The following PRDM16 variants were observed in gnomAD, a reference collection of about 807,000 sequenced individuals.
The protein encoded by PRDM16 is PR/SET domain 16.
PRDM16 carries 23 observed loss-of-function variants against 110.6 expected under a neutral mutation model. The observed-to-expected ratio is 0.21, with a 90% confidence interval of 0.15 to 0.29. The LOEUF (loss-of-function observed/expected upper bound fraction) is 0.29. PRDM16 is among the 10% of genes least tolerant of loss of function. PRDM16 has a pLI of 1.00. For synonymous variants in PRDM16, 799 were observed against 781.8 expected (o/e 1.02, Z -0.37); for missense variants, 1,615 against 1,794.3 (o/e 0.90, Z 1.81).
chr1:3,321,312 TTGTGTGTGGGTCCGTG>T (rs1380151989), intron 3 of PRDM16, among the ~76,000 whole-genome samples: 3 of 151,926 alleles, frequency 2.0e-5, no homozygotes, highest in Non-Finnish European at 4.4e-5. Flanking sequence ...GTGTGTCCAT[TTGTGTGTGGGTCCGTG>T]TGTGTGTGTA....
chr1:3,284,139 C>T (rs1380834077), intron 3 of PRDM16, among the ~76,000 whole-genome samples: 1 of 152,212 alleles, frequency 6.6e-6, no homozygotes, highest in Non-Finnish European at 1.5e-5. Flanking sequence ...GCCCGGGAAG[C>T]TGGGGTGGAG....
At position 3,411,522 on chromosome 1, in the gene PRDM16, G is replaced by A. The variant is rs760272889; in HGVS notation, c.1325G>A (p.Arg442Gln). 11 of 1,614,016 alleles carry A rather than the reference G, an allele frequency of 6.8e-6. No homozygotes were observed. Among genetic ancestry groups the A allele is most frequent in the African/African-American group, 4.0e-5 (3 of 74,918 alleles). ...FSTTSSLNKH[R>Q]RFCEGKNHYT... ...ACTACCTCCTCCCTCAACAAGCACC[G>A]GCGCTTCTGCGAGGGCAAGAACCAT... Residue 442 changes from arginine to glutamine, a missense_variant, in exon 9 of 17, where the codon CGG becomes CAG. Arg to Gln is a conservative substitution (Grantham distance 43). Around this residue, in one of 5 missense-constraint regions of PRDM16, gnomAD observed 772 missense variants for 748.3 expected, o/e 1.03. Transcript: ENST00000270722.
At chr1:3,418,601 T>C (rs972429103) in intron 11 of PRDM16, 66 bp from the exon 12 acceptor site, 1 of 1,103,842 alleles carries the variant, frequency 9.1e-7, no homozygotes, top group Non-Finnish European at 1.4e-6. Context: ...TGAAACCATT[T>C]CTGGGAAATG....
At position 3,350,059 on chromosome 1, in the gene PRDM16, C is replaced by T. The variant is rs140208173; in HGVS notation, c.439-35093C>T. 2.0e-5 allele frequency among the ~76,000 whole-genome samples: 3 copies of T among 152,334 alleles called. No homozygotes were observed. Among genetic ancestry groups the T allele is most frequent in the Non-Finnish European group, 4.4e-5 (3 of 68,030 alleles). On this transcript the variant is annotated intron_variant, in intron 3 of 16. Transcript: ENST00000270722. This position sits in a 1 kb window ranked among gnomAD's most constrained non-coding sequence, Gnocchi z 7.1. ...AGGACAGGGCAGAAAAGACCTGGGGCCAGGTGCAGTGGCCCAAAATCCCAG... is the reference window on the plus strand; with the variant it reads ...AGGACAGGGCAGAAAAGACCTGGGGTCAGGTGCAGTGGCCCAAAATCCCAG...
intron 2 of PRDM16, among the ~76,000 whole-genome samples, chr1:3,210,285 C>T (rs1236390494): frequency 1.3e-5 from 2 of 152,132 alleles, no homozygotes; most frequent in African/African-American, 2.4e-5. Flanking sequence ...GAAGGCAGCT[C>T]GAGGCATCAC....
rs1246552654 is a variant in PRDM16, at chr1:3,339,425, G to C, written c.439-45727G>C. Among the ~76,000 whole-genome samples, 1 of 152,124 alleles carries C rather than the reference G, an allele frequency of 6.6e-6. No individual in the cohort carries two copies. The highest frequency in any genetic ancestry group is 1.5e-5 in the Non-Finnish European group (1 of 68,006). Reference sequence around the variant, plus strand: ...TGGGTGGTCAGTAGGACCCTAGAAAGTGCTCAGAGCAGAGCGGAAAGGGCA... The same window carrying C: ...TGGGTGGTCAGTAGGACCCTAGAAACTGCTCAGAGCAGAGCGGAAAGGGCA... On this transcript the variant is annotated intron_variant, in intron 3 of 16. Coordinates refer to ENST00000270722, the MANE Select transcript of PRDM16 (RefSeq NM_022114.4). This position sits in a 1 kb window ranked among gnomAD's most constrained non-coding sequence, Gnocchi z 5.0.
At chr1:3,250,857 G>A (rs914874407) in intron 3 of PRDM16, among the ~76,000 whole-genome samples, 4 of 152,218 alleles carry the variant, frequency 2.6e-5, no homozygotes, top group South Asian at 4.1e-4. Context: ...GGAAGCCTGC[G>A]AGGGTACAGC....
intron 3 of PRDM16, among the ~76,000 whole-genome samples, chr1:3,376,758 TC>T (rs1211795456): frequency 1.4e-5 from 2 of 147,444 alleles, no homozygotes; most frequent in Non-Finnish European, 3.0e-5. Flanking sequence ...CCATCCTCCT[TC>T]GTTTCCTCTC....
chr1:3,409,834 G>GGTGTGTGGTGTGTGTATGCGT (rs150742635), intron 8 of PRDM16, among the ~76,000 whole-genome samples: 4 of 125,800 alleles, frequency 3.2e-5, no homozygotes, highest in African/African-American at 1.3e-4. Flanking sequence ...GTTGTGTGTG[G>GGTGTGTGGTGTGTGTATGCGT]GTGTGTGGTG....
chr1:3,215,423 C>CCACAGGA (rs1557534831), intron 2 of PRDM16, among the ~76,000 whole-genome samples: 1,675 of 150,088 alleles, frequency 0.011, 71 homozygotes, highest in African/African-American at 0.038. Context: ...CAGGCAAGGC[C>CCACAGGA]TATTGGGGTC....
At chr1:3,105,308 C>T (rs1419802489) in intron 1 of PRDM16, among the ~76,000 whole-genome samples, 1 of 152,240 alleles carries the variant, frequency 6.6e-6, no homozygotes, top group African/African-American at 2.4e-5. Flanking sequence ...ACCCCGCTTC[C>T]TCCAGGCACC....
Position 3,345,559 on chromosome 1 carries a change from C to T in PRDM16, c.439-39593C>T, listed in dbSNP as rs144191734. On this transcript the variant is annotated intron_variant, in intron 3 of 16. Coordinates refer to ENST00000270722, the MANE Select transcript of PRDM16 (RefSeq NM_022114.4). ...ACTGGCCAAGTACCCCACCTAAGGA[C>T]ACTCAGCCAGTAGGAATGGGACTTG... 9.5e-3 allele frequency among the ~76,000 whole-genome samples: 1,450 copies of T among 152,320 alleles called. 31 individuals carry two copies. Among genetic ancestry groups the T allele is most frequent in the African/African-American group, 0.032 (1,350 of 41,550 alleles).
intron 3 of PRDM16, among the ~76,000 whole-genome samples, chr1:3,373,487 C>T (rs1235841591): frequency 6.6e-6 from 1 of 152,196 alleles, no homozygotes; most frequent in Non-Finnish European, 1.5e-5. Flanking sequence ...AGGCTCAGCG[C>T]CCCCACATCC....
intron 11 of PRDM16, among the ~76,000 whole-genome samples, chr1:3,418,345 G>A (rs998212316): frequency 1.3e-5 from 2 of 152,174 alleles, no homozygotes; most frequent in Admixed American, 1.3e-4. Context: ...GCAGTGTCAG[G>A]ATGACACCCT....
chr1:3,430,525 C>T (rs941136435), intron 14 of PRDM16, among the ~76,000 whole-genome samples: 1 of 152,232 alleles, frequency 6.6e-6, no homozygotes, highest in African/African-American at 2.4e-5. Flanking sequence ...GCCCAACCCC[C>T]GTGCCAGTGC....
intron 4 of PRDM16, among the ~76,000 whole-genome samples, chr1:3,388,698 T>C (rs1464880712): frequency 6.6e-6 from 1 of 152,228 alleles, no homozygotes; most frequent in African/African-American, 2.4e-5. Context: ...AGTCTCCTGC[T>C]ACTGGCAGCC....
intron 3 of PRDM16, among the ~76,000 whole-genome samples, chr1:3,313,725 G>A (rs900703558): frequency 5.3e-5 from 8 of 152,316 alleles, no homozygotes; most frequent in East Asian, 3.9e-4. Context: ...AAACCTCGCC[G>A]CCTCCTGCCC....
intron 1 of PRDM16, among the ~76,000 whole-genome samples, chr1:3,088,773 A>T (rs1048111835): frequency 2.1e-5 from 3 of 142,684 alleles, no homozygotes; most frequent in African/African-American, 7.8e-5. Flanking sequence ...TATATTATTT[A>T]TTATTATTTA....
At chr1:3,427,608 C>A (rs981371352) in intron 14 of PRDM16, among the ~76,000 whole-genome samples, 1 of 152,132 alleles carries the variant, frequency 6.6e-6, no homozygotes, top group Non-Finnish European at 1.5e-5. Flanking sequence ...GGCATCCAAG[C>A]AATAAACACA....
Sources: allele counts gnomAD v4.1 joint callset (sites outside exome capture counted in the v4.1 genomes callset), GRCh38; gene constraint gnomAD v4.1.1; regional missense constraint gnomAD v4.1.1; non-coding constraint Gnocchi (gnomAD v3.1); transcripts MANE v1.5; gene names NCBI Gene and HGNC (gene_info 2026-07-23, HGNC 2026-07-21).